The following OPRK1 variants were observed in gnomAD, a reference collection of about 807,000 sequenced individuals.
OPRK1 encodes the protein kappa-type opioid receptor.
A neutral mutation model predicts 24.5 loss-of-function variants in OPRK1; 15 were observed. That is an observed-to-expected ratio of 0.61 (90% confidence interval 0.41 to 0.94). OPRK1 has a LOEUF of 0.94. Ranked by LOEUF, OPRK1 falls within the 40% of genes least tolerant of loss-of-function variation. OPRK1 has a pLI of 0.00. For synonymous variants in OPRK1, 205 were observed against 198.0 expected, an observed-to-expected ratio of 1.04 and a Z score of -0.30; for missense variants, 479 against 507.3, an observed-to-expected ratio of 0.94 and a Z score of 0.54.
chr8:53,228,343 T>C lies in OPRK1; in HGVS notation c.*954A>G, dbSNP rs1201317394. Reference sequence around the variant, plus strand: ...TCATTAGCACATGAGTTGTGAGCACTGTTACGGGACTAAATGGTATTCAGG... The same window carrying C: ...TCATTAGCACATGAGTTGTGAGCACCGTTACGGGACTAAATGGTATTCAGG... On this transcript the variant is annotated 3_prime_UTR_variant, in exon 4 of 4. Coordinates refer to ENST00000265572, the MANE Select transcript of OPRK1 (RefSeq NM_000912.5). The C allele has an allele frequency of 6.6e-6, 1 of 152,232 alleles. No homozygotes were observed. Among genetic ancestry groups the C allele is most frequent in the Non-Finnish European group, 1.5e-5 (1 of 68,030 alleles). 9.4% of individuals were successfully genotyped at this position (152,232 alleles called of 1,614,324 possible).
In OPRK1 at chr8:53,250,913, GC is replaced by G; in HGVS notation, c.124del (p.Ala42ProfsTer27). Reference protein sequence around the residue: ...GWAEPDSNGSAGSEDAQLEPA... With the variant: ...GWAEPDSNGSXGSEDAQLEPA... ...CTCCAGCTGCGCGTCCTCCGAGCCG[GC>G]GCTGCCGTTGCTGTCGGGCTCGGCC... On this transcript the variant is annotated frameshift_variant, in exon 2 of 4. Coordinates refer to ENST00000265572, the MANE Select transcript of OPRK1 (RefSeq NM_000912.5). LOFTEE classifies it high-confidence loss of function. 6.2e-7 allele frequency: 1 copy of G among 1,611,828 alleles called. No individual in the cohort carries two copies. Among genetic ancestry groups the G allele is most frequent in the Non-Finnish European group, 8.5e-7 (1 of 1,179,344 alleles).
In OPRK1 at chr8:53,229,591, G is replaced by A. The variant is rs201485656; in HGVS notation, c.849C>T (p.Phe283=). The change falls in exon 4 of 4, where the codon TTC becomes TTT. Residue 283 remains phenylalanine (F), a synonymous_variant. Transcript: ENST00000265572. The stretch of plus-strand genomic sequence containing the variant: ...TGTGAATGGGAGTCCAGCAGACGAC[G>A]AAGACTGCCACCACCACCAGGACCA... ...TRLVLVVVAV[F]VVCWTPIHIF... 31 of 1,614,014 alleles carry A rather than the reference G, an allele frequency of 1.9e-5. No individual in the cohort carries two copies. Among genetic ancestry groups the A allele is most frequent in the African/African-American group, 2.7e-5 (2 of 74,908 alleles).
At chr8:53,244,713 A>T (rs1475129070) in intron 2 of OPRK1, among the ~76,000 whole-genome samples, 1 of 152,252 alleles carries the variant, frequency 6.6e-6, no homozygotes, top group Non-Finnish European at 1.5e-5. Flanking sequence ...TGAAAAGAGA[A>T]CATATACATA....
At chr8:53,242,114 AT>A (rs1457329295) in intron 2 of OPRK1, among the ~76,000 whole-genome samples, 10 of 152,228 alleles carry the variant, frequency 6.6e-5, no homozygotes, top group African/African-American at 2.4e-4. Flanking sequence ...GATACTTAAA[AT>A]TAGTTTTCCT....
chr8:53,226,607 T>G lies in OPRK1; in HGVS notation c.*2690A>C, dbSNP rs1275416483. The G allele has an allele frequency of 2.0e-5, 3 of 152,256 alleles. No homozygotes were observed. Among genetic ancestry groups the G allele is most frequent in the Non-Finnish European group, 4.4e-5 (3 of 68,048 alleles). 9.4% of individuals were successfully genotyped at this position (152,256 alleles called of 1,614,324 possible). On this transcript the variant is annotated 3_prime_UTR_variant, in exon 4 of 4. Transcript: ENST00000265572. Reference sequence around the variant, plus strand: ...GAGGGGTTTGGACAAATGCATTGCCTGGAACAATGAATAAATGGCAATGTG... The same window carrying G: ...GAGGGGTTTGGACAAATGCATTGCCGGGAACAATGAATAAATGGCAATGTG...
intron 3 of OPRK1, among the ~76,000 whole-genome samples, chr8:53,233,169 A>G (rs1018984712): frequency 6.6e-6 from 1 of 152,242 alleles, no homozygotes; most frequent in Non-Finnish European, 1.5e-5. Context: ...TTAAAAAACA[A>G]TGAATAAAGT....
chr8:53,251,229 T>C (rs1807389626), intron 1 of OPRK1, 144 bp from the exon 2 acceptor site: 2 of 909,908 alleles, frequency 2.2e-6, no homozygotes, highest in East Asian at 6.5e-5. Context: ...GACTTCTCGC[T>C]GCCTTTCCGG....
intron 2 of OPRK1, chr8:53,242,830 C>G: frequency 1.6e-6 from 2 of 1,262,428 alleles, no homozygotes; most frequent in South Asian, 2.6e-5. Flanking sequence ...TAATCCAAGG[C>G]TTCCCTGCCC....
intron 3 of OPRK1, among the ~76,000 whole-genome samples, chr8:53,233,016 CTA>C (rs773454743): frequency 1.3e-5 from 2 of 152,120 alleles, no homozygotes; most frequent in Non-Finnish European, 2.9e-5. Context: ...AAACAAAATC[CTA>C]TGTGTGATTA....
intron 2 of OPRK1, among the ~76,000 whole-genome samples, chr8:53,244,823 A>C (rs1032181399): frequency 6.6e-6 from 1 of 152,138 alleles, no homozygotes; most frequent in East Asian, 1.9e-4. Context: ...CAAAATTCCT[A>C]TGTTGGAGTC....
chr8:53,229,917 C>T (rs1806813875), intron 3 of OPRK1, 88 bp from the exon 4 acceptor site: 2 of 1,203,382 alleles, frequency 1.7e-6, no homozygotes, highest in Non-Finnish European at 1.1e-6. Flanking sequence ...AATTTTAATA[C>T]CTTTTATTGC....
At position 53,236,823 on chromosome 8, in the gene OPRK1, T is replaced by C. The variant is rs543034617; in HGVS notation, c.258-1712A>G. Among the ~76,000 whole-genome samples, 9 of 152,320 alleles carry C rather than the reference T, an allele frequency of 5.9e-5. No individual in the cohort carries two copies. The South Asian group carries it at 1.9e-3, about 32-fold the overall frequency. Reference sequence around the variant, plus strand: ...ACTCCTCCCACCCCAAAACCCCAGATACTAGCAAGGATTCCAGCAGGAATC... The same window carrying C: ...ACTCCTCCCACCCCAAAACCCCAGACACTAGCAAGGATTCCAGCAGGAATC... On this transcript the variant is annotated intron_variant, in intron 2 of 3. Transcript: ENST00000265572.
At chr8:53,238,814 G>T in intron 2 of OPRK1, 2 of 509,690 alleles carry the variant, frequency 3.9e-6, no homozygotes, top group Non-Finnish European at 5.1e-6. Flanking sequence ...AGAAGGGGGA[G>T]CTGACCCTGC....
intron 2 of OPRK1, among the ~76,000 whole-genome samples, chr8:53,245,924 G>A (rs540563653): frequency 1.1e-4 from 16 of 152,284 alleles, no homozygotes; most frequent in African/African-American, 3.1e-4. Flanking sequence ...ATTCTGCCTG[G>A]AGAGCAGCAG....
intron 1 of OPRK1, 153 bp from the exon 2 acceptor site, chr8:53,251,238 G>A (rs961035447): frequency 4.8e-6 from 4 of 831,178 alleles, no homozygotes; most frequent in African/African-American, 1.8e-5. Flanking sequence ...CTGCCTTTCC[G>A]GCCAGCAGGC....
At chr8:53,249,973 TTC>T (rs1200105847) in intron 2 of OPRK1, among the ~76,000 whole-genome samples, 3 of 152,202 alleles carry the variant, frequency 2.0e-5, no homozygotes, top group African/African-American at 7.2e-5. Flanking sequence ...TTTCTTGTTT[TTC>T]TTTCTTAAAG....
intron 2 of OPRK1, among the ~76,000 whole-genome samples, chr8:53,240,530 G>GA (rs755532037): frequency 1.1e-4 from 17 of 152,110 alleles, no homozygotes; most frequent in Non-Finnish European, 2.1e-4. Flanking sequence ...CAGCAGCAGG[G>GA]AAAATGCAGT....
rs140855679 is a variant in OPRK1 at position 53,228,935 on chromosome 8, T to C, written c.*362A>G. On this transcript the variant is annotated 3_prime_UTR_variant, in exon 4 of 4. Transcript: ENST00000265572. ...TGAAAGCAATGTTTTTTCTTTTCCT[T>C]TTTTCTTAAACCGAGCTTTTGAAAC... 1.1e-3 allele frequency: 193 copies of C among 171,762 alleles called. 1 individual carries two copies. The highest frequency in any genetic ancestry group is 4.4e-3 in the African/African-American group (186 of 42,138). The allele number at this position is 171,762 out of a possible 1,614,324, so 10.6% of individuals were successfully genotyped here.
At chr8:53,247,657 C>G (rs548530660) in intron 2 of OPRK1, among the ~76,000 whole-genome samples, 1 of 114,272 alleles carries the variant, frequency 8.8e-6, no homozygotes, top group African/African-American at 3.5e-5. Flanking sequence ...GAAGACTGCA[C>G]GGGGGAATCC....
Sources: gnomAD v4.1 joint callset for allele counts (sites outside exome capture counted in the v4.1 genomes callset) on GRCh38, gnomAD v4.1.1 for gene constraint, MANE v1.5 for transcripts, NCBI Gene and HGNC (gene_info 2026-07-23, HGNC 2026-07-21) for gene names.